NELL1: variants seen among roughly 807,000 people sequenced by gnomAD.
NELL1 encodes protein kinase C-binding protein NELL1.
A neutral mutation model predicts 107.4 loss-of-function variants in NELL1; 76 were observed. The ratio of observed to expected loss-of-function variants is 0.71; its 90% CI spans 0.59 to 0.86. The LOEUF (loss-of-function observed/expected upper bound fraction) is 0.86, where lower values mean the gene tolerates loss of function less well. Among genes scored for constraint, NELL1 ranks in the 40% least tolerant of loss-of-function variants. The pLI is 0.00. For synonymous variants in NELL1, 353 were observed against 341.2 expected (o/e 1.03, Z -0.38); for missense variants, 1,024 against 1,005.5 (o/e 1.02, Z -0.25).
intron 12 of NELL1, among the ~76,000 whole-genome samples, chr11:20,973,586 C>T (rs564841813): frequency 6.6e-6 from 1 of 152,178 alleles, no homozygotes; most frequent in Non-Finnish European, 1.5e-5. Flanking sequence ...CTTTAGTGCT[C>T]TATGGATTCT....
chr11:20,776,188 G>A (rs1293026526), intron 2 of NELL1, among the ~76,000 whole-genome samples: 13 of 152,036 alleles, frequency 8.6e-5, no homozygotes, highest in African/African-American at 2.4e-4. Flanking sequence ...TTGTAATCCC[G>A]GCACTTTGGG....
chr11:21,378,899 G>C (rs565957539), intron 15 of NELL1, among the ~76,000 whole-genome samples: 3 of 151,844 alleles, frequency 2.0e-5, no homozygotes, highest in Admixed American at 6.6e-5. Context: ...TGTATTTTTA[G>C]TAGAGATGGG....
chr11:21,567,704 G>A (rs1386591189), intron 17 of NELL1, among the ~76,000 whole-genome samples: 3 of 151,894 alleles, frequency 2.0e-5, no homozygotes, highest in East Asian at 2.0e-4. Flanking sequence ...ATTATTCAGC[G>A]TTGTTGTGGA....
chr11:21,439,101 G>A (rs1414355688), intron 15 of NELL1, among the ~76,000 whole-genome samples: 1 of 151,756 alleles, frequency 6.6e-6, no homozygotes, highest in African/African-American at 2.4e-5. Flanking sequence ...GAAGGTGGGT[G>A]TTTGAGAAAA....
intron 15 of NELL1, among the ~76,000 whole-genome samples, chr11:21,445,462 G>A (rs904305608): frequency 1.4e-4 from 21 of 152,090 alleles, no homozygotes; most frequent in Non-Finnish European, 2.4e-4. Flanking sequence ...GAGTAGCTGG[G>A]ATTACAGGCA....
chr11:20,821,944 C>T (rs897686052), intron 3 of NELL1, among the ~76,000 whole-genome samples: 1 of 152,174 alleles, frequency 6.6e-6, no homozygotes, highest in Admixed American at 6.5e-5. Context: ...CTCTAGTTCC[C>T]ACTGGGTAGG....
chr11:21,535,912 T>C (rs1194627790), intron 16 of NELL1, among the ~76,000 whole-genome samples: 1 of 152,174 alleles, frequency 6.6e-6, no homozygotes, highest in Non-Finnish European at 1.5e-5. Context: ...ATCAATGTTA[T>C]ATGAATAGGA....
intron 12 of NELL1, among the ~76,000 whole-genome samples, chr11:20,969,529 C>T (rs1487832311): frequency 6.6e-6 from 1 of 151,286 alleles, no homozygotes; most frequent in Non-Finnish European, 1.5e-5. Flanking sequence ...GATAGAACTG[C>T]TTAGAGGACT....
At chr11:21,450,683 T>G (rs1041302634) in intron 15 of NELL1, among the ~76,000 whole-genome samples, 1 of 152,108 alleles carries the variant, frequency 6.6e-6, no homozygotes, top group Non-Finnish European at 1.5e-5. Context: ...TATGATGAAT[T>G]TGGAAGAAAG....
chr11:21,244,618 A>C (rs747077502), intron 14 of NELL1, among the ~76,000 whole-genome samples: 1 of 152,168 alleles, frequency 6.6e-6, no homozygotes, highest in African/African-American at 2.4e-5. Context: ...CAACTCTGGC[A>C]CATGTCTGAT....
intron 14 of NELL1, among the ~76,000 whole-genome samples, chr11:21,231,346 T>G (rs1176319476): frequency 6.6e-6 from 1 of 152,216 alleles, no homozygotes; most frequent in East Asian, 1.9e-4. Context: ...TCCATGTTAT[T>G]TGCACTTCTT....
chr11:21,183,758 A>T (rs886904748), intron 13 of NELL1, among the ~76,000 whole-genome samples: 1 of 151,736 alleles, frequency 6.6e-6, no homozygotes, highest in Admixed American at 6.6e-5. Context: ...GACCCAACAG[A>T]TATTACTTTA....
chr11:21,149,229 C>T (rs886641577), intron 13 of NELL1, among the ~76,000 whole-genome samples: 1 of 152,178 alleles, frequency 6.6e-6, no homozygotes, highest in African/African-American at 2.4e-5. Flanking sequence ...TCCCCTCTAA[C>T]TGTATCATGT....
chr11:21,528,795 A>G (rs917245050), intron 15 of NELL1, among the ~76,000 whole-genome samples: 1 of 152,064 alleles, frequency 6.6e-6, no homozygotes, highest in African/African-American at 2.4e-5. Context: ...ACTCAAACAT[A>G]TCTAACTACA....
intron 3 of NELL1, among the ~76,000 whole-genome samples, chr11:20,845,941 GTCTGTAACATCT>G (rs774546382): frequency 9.9e-5 from 15 of 152,144 alleles, no homozygotes; most frequent in Non-Finnish European, 2.1e-4. Context: ...ATGGCCAATA[GTCTGTAACATCT>G]TCTTGACCTC....
intron 14 of NELL1, among the ~76,000 whole-genome samples, chr11:21,345,166 T>C (rs949648486): frequency 3.3e-5 from 5 of 152,202 alleles, no homozygotes; most frequent in African/African-American, 9.6e-5. Flanking sequence ...ATTAGTCACT[T>C]TGTTAATTTG....
intron 13 of NELL1, among the ~76,000 whole-genome samples, chr11:21,148,982 T>G (rs1265484644): frequency 3.3e-5 from 5 of 152,342 alleles, no homozygotes; most frequent in East Asian, 3.9e-4. Flanking sequence ...TTCCCTACTC[T>G]GTCTCTTTCT....
rs543943606 is a variant in NELL1, at chr11:21,146,170, T to C, written c.1426+32456T>C. 2.2e-4 allele frequency among the ~76,000 whole-genome samples: 34 copies of C among 152,220 alleles called. No homozygotes were observed. The East Asian group carries it at 6.6e-3, about 29-fold the overall frequency. On this transcript the variant is annotated intron_variant, in intron 13 of 19. Transcript: ENST00000357134. Reference sequence around the variant, plus strand: ...ATAAAATCTTCTGTGTAGTGTCTGGTGCACAGAAAGCACTAGTATCAGTGC... The same window carrying C: ...ATAAAATCTTCTGTGTAGTGTCTGGCGCACAGAAAGCACTAGTATCAGTGC...
At chr11:21,267,076 AG>A (rs1427648907) in intron 14 of NELL1, among the ~76,000 whole-genome samples, 15 of 151,882 alleles carry the variant, frequency 9.9e-5, no homozygotes, top group Non-Finnish European at 1.8e-4. Context: ...GTGGATTTAT[AG>A]GTATGTTTCT....
Sources: gnomAD v4.1 joint callset for allele counts (sites outside exome capture counted in the v4.1 genomes callset) on GRCh38, gnomAD v4.1.1 for gene constraint, MANE v1.5 for transcripts, NCBI Gene and HGNC (gene_info 2026-07-23, HGNC 2026-07-21) for gene names.